SCN8A: variants seen among roughly 807,000 people sequenced by gnomAD.
SCN8A encodes the protein sodium voltage-gated channel alpha subunit 8, also known as sodium channel protein type 8 subunit alpha.
A neutral mutation model predicts 184.1 loss-of-function variants in SCN8A; 30 were observed. The observed-to-expected ratio is 0.16, with a 90% CI of 0.12 to 0.22. SCN8A has a LOEUF of 0.22. Ranked by LOEUF, SCN8A falls within the 10% of genes least tolerant of loss-of-function variation. The pLI is 1.00. For missense variants in SCN8A, 1,057 were observed against 2,498.9 expected (o/e 0.42, Z 12.30); for synonymous variants, 852 against 907.0 (o/e 0.94, Z 1.09).
In SCN8A at chr12:51,786,834, G is replaced by GTGTTTT. The variant is rs1938101173; in HGVS notation, c.4227+22_4227+27dup. On this transcript the variant is annotated intron_variant, in intron 22 of 26. Coordinates refer to ENST00000627620, the MANE Select transcript of SCN8A (RefSeq NM_001330260.2). ...CTGGCCCTTCTTCAAGTAGTAAGTA[G>GTGTTTT]TGTTTTTGTTTTTGTTTTTTCAGTT... is the stretch of plus-strand genomic sequence containing the variant. 4 of 1,606,940 alleles carry GTGTTTT rather than the reference G, an allele frequency of 2.5e-6. No individual in the cohort carries two copies. The highest frequency in any genetic ancestry group is 3.4e-6 in the Non-Finnish European group (4 of 1,178,218).
chr12:51,805,834 C>CTTT (rs33939467), intron 26 of SCN8A, among the ~76,000 whole-genome samples: 136 of 150,348 alleles, frequency 9.0e-4, no homozygotes, highest in Middle Eastern at 3.4e-3. Context: ...TAAAATGTTA[C>CTTT]TTTTTTTTTT....
rs1592148729 is a variant in SCN8A, at chr12:51,763,602, T to C, written c.2544+926T>C. On this transcript the variant is annotated intron_variant, in intron 15 of 26. Coordinates refer to ENST00000627620, the MANE Select transcript of SCN8A (RefSeq NM_001330260.2). ...TTAGCTAAAAAGGAGTTTGTATTAATGTATTTGAAGAAGTTAGTGTTTAAG... is the reference window on the plus strand; with the variant it reads ...TTAGCTAAAAAGGAGTTTGTATTAACGTATTTGAAGAAGTTAGTGTTTAAG... 2.6e-5 allele frequency among the ~76,000 whole-genome samples: 4 copies of C among 152,252 alleles called. No homozygotes were observed. The South Asian group carries it at 8.3e-4, about 32-fold the overall frequency.
At chr12:51,797,767 C>G (rs1390955057) in intron 26 of SCN8A, among the ~76,000 whole-genome samples, 1 of 152,190 alleles carries the variant, frequency 6.6e-6, no homozygotes, top group Non-Finnish European at 1.5e-5. Flanking sequence ...GTCACCCCAG[C>G]CAACACTATA....
chr12:51,606,509 A>C (rs549551962), intron 1 of SCN8A, among the ~76,000 whole-genome samples: 31 of 152,260 alleles, frequency 2.0e-4, no homozygotes, highest in Middle Eastern at 3.4e-3. Context: ...TATAGTTTGA[A>C]ATCAGGTAGT....
intron 1 of SCN8A, among the ~76,000 whole-genome samples, chr12:51,610,381 T>C (rs1469538084): frequency 2.0e-5 from 3 of 152,154 alleles, no homozygotes; most frequent in Non-Finnish European, 4.4e-5. Context: ...AATGTTAGTA[T>C]TGAGATGTGA....
At chr12:51,721,097 ATATATATATAAT>A (rs1273522293) in intron 11 of SCN8A, among the ~76,000 whole-genome samples, 1 of 117,166 alleles carries the variant, frequency 8.5e-6, no homozygotes, top group Non-Finnish European at 1.7e-5. Flanking sequence ...ATATATATAT[ATATATATATAAT>A]ATTTATTTAT....
At position 51,762,783 on chromosome 12, in the gene SCN8A, T is replaced by G. The variant is rs997439678; in HGVS notation, c.2544+107T>G. ...ATTTAAAAAATATATTAGCTGTATT[T>G]TACTCCCAATTCCAGTTATTTGGCT... is the stretch of plus-strand genomic sequence containing the variant. On this transcript the variant is annotated intron_variant, in intron 15 of 26. Transcript: ENST00000627620. The G allele has an allele frequency of 6.9e-6, 7 of 1,008,254 alleles. No individual in the cohort carries two copies. In the African/African-American group the frequency reaches 1.2e-4, roughly 17 times the overall value. The allele number at this position is 1,008,254 out of a possible 1,614,324, so 62.5% of individuals were successfully genotyped here. A position where few individuals can be genotyped will look rare whatever the true frequency, so the allele number is the denominator to read the frequency against.
At chr12:51,632,929 A>C (rs1158200485) in intron 1 of SCN8A, among the ~76,000 whole-genome samples, 1 of 151,782 alleles carries the variant, frequency 6.6e-6, no homozygotes, top group Non-Finnish European at 1.5e-5. Context: ...CCCACCCCTC[A>C]CTGTGACCTT....
Position 51,808,190 on chromosome 12 carries a change from C to G in SCN8A, c.*761C>G, listed in dbSNP as rs1388928828. On this transcript the variant is annotated 3_prime_UTR_variant, in exon 27 of 27. Coordinates refer to ENST00000627620, the MANE Select transcript of SCN8A (RefSeq NM_001330260.2). ...CCTTTGGACAGGACCCAGCCCTGCACCGTTCACTGTATTTGGAGAAAATGG... is the reference window on the plus strand; with the variant it reads ...CCTTTGGACAGGACCCAGCCCTGCAGCGTTCACTGTATTTGGAGAAAATGG... 1 of 152,972 alleles carries G rather than the reference C, an allele frequency of 6.5e-6. No individual in the cohort carries two copies. Among genetic ancestry groups the G allele is most frequent in the Non-Finnish European group, 1.5e-5 (1 of 68,404 alleles). 9.5% of individuals were successfully genotyped at this position (152,972 alleles called of 1,614,324 possible).
At chr12:51,801,450 T>TAATC (rs1341767136) in intron 26 of SCN8A, among the ~76,000 whole-genome samples, 1 of 152,198 alleles carries the variant, frequency 6.6e-6, no homozygotes, top group African/African-American at 2.4e-5. Context: ...CTAAGGTGAC[T>TAATC]AATCCACTCT....
intron 16 of SCN8A, among the ~76,000 whole-genome samples, chr12:51,767,273 CAA>C (rs1942852904): frequency 6.6e-6 from 1 of 152,140 alleles, no homozygotes; most frequent in African/African-American, 2.4e-5. Context: ...TTATTTGTCT[CAA>C]AGACATCTCC....
At chr12:51,793,743 C>T (rs1219067040) in intron 25 of SCN8A, among the ~76,000 whole-genome samples, 1 of 152,108 alleles carries the variant, frequency 6.6e-6, no homozygotes, top group Admixed American at 6.5e-5. Flanking sequence ...GAGGCTCAGG[C>T]AGGAGGATCA....
intron 26 of SCN8A, among the ~76,000 whole-genome samples, chr12:51,802,186 G>A (rs1390145623): frequency 6.6e-6 from 1 of 152,166 alleles, no homozygotes; most frequent in African/African-American, 2.4e-5. Context: ...GGGTGTTGGG[G>A]GTGGGTTCAG....
intron 1 of SCN8A, among the ~76,000 whole-genome samples, chr12:51,637,359 T>C (rs998566015): frequency 7.9e-5 from 12 of 152,140 alleles, no homozygotes; most frequent in African/African-American, 2.9e-4. Flanking sequence ...TTAAACTTAG[T>C]GAGGAAGGCA....
intron 14 of SCN8A, among the ~76,000 whole-genome samples, chr12:51,751,835 C>T (rs138092056): frequency 6.6e-6 from 1 of 152,272 alleles, no homozygotes; most frequent in Non-Finnish European, 1.5e-5. Flanking sequence ...CCAATGTTGG[C>T]GACAGAATGG....
rs535347210 is a variant in SCN8A, at chr12:51,758,299, A to G, written c.2371-4204A>G. Among the ~76,000 whole-genome samples, 135 of 152,394 alleles carry G rather than the reference A, an allele frequency of 8.9e-4. 1 individual carries two copies. The South Asian group carries it at 0.027, about 31-fold the overall frequency. Reference sequence around the variant, plus strand: ...TAGCAACACCCTATCTGTAAAATAAATATCACAATAATACACCTATCACAC... The same window carrying G: ...TAGCAACACCCTATCTGTAAAATAAGTATCACAATAATACACCTATCACAC... On this transcript the variant is annotated intron_variant, in intron 14 of 26. Transcript: ENST00000627620.
intron 11 of SCN8A, among the ~76,000 whole-genome samples, chr12:51,712,252 T>C (rs1052366481): frequency 6.6e-6 from 1 of 152,222 alleles, no homozygotes; most frequent in African/African-American, 2.4e-5. Context: ...CTGCACTTCC[T>C]GCAAACTGTG....
intron 12 of SCN8A, among the ~76,000 whole-genome samples, chr12:51,743,586 C>T (rs1942460915): frequency 6.6e-6 from 1 of 152,174 alleles, no homozygotes; most frequent in Non-Finnish European, 1.5e-5. Context: ...TGTAAGCACC[C>T]CTCTGGCCAT....
chr12:51,761,328 A>G (rs978492451), intron 14 of SCN8A, among the ~76,000 whole-genome samples: 4 of 152,174 alleles, frequency 2.6e-5, no homozygotes, highest in South Asian at 2.1e-4. Flanking sequence ...CTACAAATCT[A>G]AAACATTTAT....
Sources: allele counts gnomAD v4.1 joint callset (sites outside exome capture counted in the v4.1 genomes callset), GRCh38; gene constraint gnomAD v4.1.1; transcripts MANE v1.5; gene names NCBI Gene and HGNC (gene_info 2026-07-23, HGNC 2026-07-21).